The following RNGTT variants were observed in gnomAD, a reference collection of about 807,000 sequenced individuals.
RNGTT encodes the protein mRNA-capping enzyme.
In RNGTT, 33 loss-of-function variants were observed where a neutral mutation model predicts 79.3. The ratio of observed to expected loss-of-function variants is 0.42; its 90% CI spans 0.32 to 0.56. RNGTT has a LOEUF of 0.56. RNGTT is among the 20% of genes least tolerant of loss of function. RNGTT has a pLI of 0.17. For missense variants in RNGTT, 497 were observed against 739.1 expected (o/e 0.67, Z 3.80); for synonymous variants, 222 against 235.9 (o/e 0.94, Z 0.54).
intron 13 of RNGTT, among the ~76,000 whole-genome samples, chr6:88,708,877 G>A (rs1776229172): frequency 1.3e-5 from 2 of 152,084 alleles, no homozygotes; most frequent in African/African-American, 4.8e-5. Context: ...CTTCCTCTGA[G>A]AGAAAAGGAG....
At chr6:88,688,054 T>C (rs922289134) in intron 13 of RNGTT, among the ~76,000 whole-genome samples, 1 of 152,172 alleles carries the variant, frequency 6.6e-6, no homozygotes, top group Non-Finnish European at 1.5e-5. Flanking sequence ...GGAGCTAATT[T>C]AAGTAACTTC....
chr6:88,626,001 C>G (rs1411135764), intron 14 of RNGTT, among the ~76,000 whole-genome samples: 2 of 151,910 alleles, frequency 1.3e-5, no homozygotes, highest in Non-Finnish European at 2.9e-5. Context: ...ATGTAGAGTA[C>G]TGTTCTAAGG....
chr6:88,905,755 C>T (rs181160780), intron 5 of RNGTT, among the ~76,000 whole-genome samples: 95 of 152,254 alleles, frequency 6.2e-4, no homozygotes, highest in African/African-American at 2.2e-3. Context: ...TTGGAAGAAT[C>T]TGTCTCTGAT....
chr6:88,793,365 T>G (rs1382374320), intron 12 of RNGTT, among the ~76,000 whole-genome samples: 1 of 152,220 alleles, frequency 6.6e-6, no homozygotes, highest in Non-Finnish European at 1.5e-5. Flanking sequence ...AAACATGTTT[T>G]CTGAAATAAG....
At chr6:88,878,388 C>T (rs1003888014) in intron 8 of RNGTT, among the ~76,000 whole-genome samples, 3 of 152,042 alleles carry the variant, frequency 2.0e-5, no homozygotes, top group African/African-American at 4.8e-5. Context: ...TGAGCCACCA[C>T]GCCCAGCCAA....
At chr6:88,926,029 C>A (rs1028307838) in intron 4 of RNGTT, among the ~76,000 whole-genome samples, 3 of 152,184 alleles carry the variant, frequency 2.0e-5, no homozygotes, top group Non-Finnish European at 2.9e-5. Flanking sequence ...AAGAAAAATA[C>A]TCATTTATGG....
intron 12 of RNGTT, among the ~76,000 whole-genome samples, chr6:88,774,470 G>A (rs1467319626): frequency 6.6e-6 from 1 of 152,076 alleles, no homozygotes; most frequent in Admixed American, 6.6e-5. Flanking sequence ...TCCATTTCTA[G>A]GTACACACTC....
chr6:88,733,373 C>T (rs9351172), intron 13 of RNGTT, among the ~76,000 whole-genome samples: 8 of 149,692 alleles, frequency 5.3e-5, no homozygotes, highest in Admixed American at 6.7e-5. Flanking sequence ...CCCCACCCCC[C>T]CTCCAAAAAA....
intron 4 of RNGTT, among the ~76,000 whole-genome samples, chr6:88,923,897 C>G (rs1170781145): frequency 6.6e-6 from 1 of 152,206 alleles, no homozygotes; most frequent in Admixed American, 6.5e-5. Flanking sequence ...GGCAACAAGG[C>G]ATTTCCAACA....
At chr6:88,767,602 T>C (rs1211122556) in intron 13 of RNGTT, among the ~76,000 whole-genome samples, 2 of 149,846 alleles carry the variant, frequency 1.3e-5, no homozygotes, top group Non-Finnish European at 3.0e-5. Flanking sequence ...ATAGAAGATT[T>C]AGTAATGAAG....
At chr6:88,753,569 C>T (rs924797281) in intron 13 of RNGTT, among the ~76,000 whole-genome samples, 1 of 151,640 alleles carries the variant, frequency 6.6e-6, no homozygotes. Context: ...AGGAATAAAG[C>T]TGGGTATGAA....
chr6:88,768,357 C>G (rs954235505), intron 13 of RNGTT, among the ~76,000 whole-genome samples: 4 of 152,098 alleles, frequency 2.6e-5, no homozygotes, highest in African/African-American at 9.7e-5. Flanking sequence ...ATCCTCCCAC[C>G]TTGGCCTCCC....
chr6:88,879,995 C>T (rs544945775), intron 8 of RNGTT, among the ~76,000 whole-genome samples: 2 of 152,200 alleles, frequency 1.3e-5, no homozygotes, highest in South Asian at 4.2e-4. Flanking sequence ...GAGACAGAGA[C>T]CACACAACCC....
chr6:88,787,212 A>T (rs1200249024), intron 12 of RNGTT, among the ~76,000 whole-genome samples: 1 of 152,236 alleles, frequency 6.6e-6, no homozygotes, highest in East Asian at 1.9e-4. Flanking sequence ...TTTTTGAATC[A>T]ACAGCAAAAC....
chr6:88,936,958 T>C (rs9353634), intron 2 of RNGTT, among the ~76,000 whole-genome samples: 6,346 of 152,278 alleles, frequency 0.042, 192 homozygotes, highest in African/African-American at 0.078. Flanking sequence ...AGCTTTTCTA[T>C]TTCTTCCTGA....
intron 13 of RNGTT, among the ~76,000 whole-genome samples, chr6:88,687,405 C>T (rs1472294689): frequency 1.3e-5 from 2 of 152,044 alleles, no homozygotes; most frequent in African/African-American, 4.8e-5. Context: ...AGCTTTTGAC[C>T]CAGTCATCTT....
intron 14 of RNGTT, among the ~76,000 whole-genome samples, chr6:88,656,556 G>T (rs1773985489): frequency 6.6e-6 from 1 of 151,864 alleles, no homozygotes. Context: ...TCACAATTTG[G>T]GGTCCTTGAA....
chr6:88,841,154 T>A (rs1157683038), intron 11 of RNGTT, among the ~76,000 whole-genome samples: 1 of 152,098 alleles, frequency 6.6e-6, no homozygotes, highest in African/African-American at 2.4e-5. Flanking sequence ...CAGGGCACAG[T>A]AGTACACAGG....
At chr6:88,792,589 A>G (rs914571383) in intron 12 of RNGTT, among the ~76,000 whole-genome samples, 1 of 152,206 alleles carries the variant, frequency 6.6e-6, no homozygotes, top group African/African-American at 2.4e-5. Context: ...CTTTATTTTA[A>G]TAGAAACATA....
Sources: allele counts gnomAD v4.1 joint callset (sites outside exome capture counted in the v4.1 genomes callset), GRCh38; gene constraint gnomAD v4.1.1; transcripts MANE v1.5; gene names NCBI Gene and HGNC (gene_info 2026-07-23, HGNC 2026-07-21).